LIN9: variants seen among roughly 807,000 people sequenced by gnomAD.
LIN9 encodes lin-9 DREAM MuvB core complex component.
LIN9 carries 18 observed loss-of-function variants against 78.0 expected under a neutral mutation model. That is an observed-to-expected ratio of 0.23 (90% CI 0.16 to 0.34). The LOEUF (loss-of-function observed/expected upper bound fraction) is 0.34. Ranked by LOEUF, LIN9 falls within the 10% of genes least tolerant of loss-of-function variation. LIN9 has a pLI of 1.00. For missense variants in LIN9, 451 were observed against 644.1 expected, an observed-to-expected ratio of 0.70 and a Z score of 3.25; for synonymous variants, 192 against 215.2, an observed-to-expected ratio of 0.89 and a Z score of 0.94.
At chr1:226,234,814 C>CCACA (rs1362126298) in intron 12 of LIN9, among the ~76,000 whole-genome samples, 6 of 152,092 alleles carry the variant, frequency 3.9e-5, no homozygotes, top group Non-Finnish European at 7.4e-5. Flanking sequence ...CCATCTAATG[C>CCACA]CACAGGGTTC....
chr1:226,300,927 T>C (rs1033517557), intron 2 of LIN9, among the ~76,000 whole-genome samples: 3 of 152,202 alleles, frequency 2.0e-5, no homozygotes, highest in Non-Finnish European at 4.4e-5. Flanking sequence ...TTAATCTAAA[T>C]ATTTATGGAA....
chr1:226,272,319 G>C (rs1660335137), intron 7 of LIN9, among the ~76,000 whole-genome samples: 2 of 151,096 alleles, frequency 1.3e-5, no homozygotes, highest in Admixed American at 6.6e-5. Flanking sequence ...GCCTGCCAAA[G>C]TGCTGGGATT....
chr1:226,253,520 C>A (rs987000521), intron 10 of LIN9, among the ~76,000 whole-genome samples: 1 of 150,478 alleles, frequency 6.6e-6, no homozygotes, highest in Non-Finnish European at 1.5e-5. Flanking sequence ...TCTTGAACTT[C>A]CTGACCTCAG....
chr1:226,305,315 G>GAAAAAAAAAAAAAAAAA (rs111859953), intron 1 of LIN9, among the ~76,000 whole-genome samples: 4 of 77,460 alleles, frequency 5.2e-5, no homozygotes, highest in Non-Finnish European at 1.0e-4. Flanking sequence ...ACAAAAAAAA[G>GAAAAAAAAAAAAAAAAA]AAAAAAAAAA....
intron 4 of LIN9, among the ~76,000 whole-genome samples, chr1:226,293,524 G>A (rs922096420): frequency 5.9e-5 from 9 of 152,326 alleles, no homozygotes; most frequent in Admixed American, 4.6e-4. Context: ...ACTTAGCCAA[G>A]AAATGCACAC....
intron 7 of LIN9, among the ~76,000 whole-genome samples, chr1:226,268,507 ACCT>A (rs1660067969): frequency 6.6e-6 from 1 of 152,072 alleles, no homozygotes; most frequent in African/African-American, 2.4e-5. Context: ...ACTTAGGAAA[ACCT>A]CCTTGCAAGG....
intron 7 of LIN9, among the ~76,000 whole-genome samples, chr1:226,268,444 T>C (rs978377713): frequency 1.3e-4 from 20 of 152,158 alleles, no homozygotes; most frequent in Admixed American, 1.2e-3. Flanking sequence ...AAGACAAAGA[T>C]GTTGTGTAGA....
chr1:226,295,788 C>G, intron 4 of LIN9, 54 bp downstream of exon 4: 1 of 1,049,512 alleles, frequency 9.5e-7, no homozygotes, highest in Non-Finnish European at 1.4e-6. Context: ...CTTTATTAGG[C>G]TGAGCATTTG....
intron 7 of LIN9, among the ~76,000 whole-genome samples, chr1:226,269,432 C>A (rs1027380175): frequency 6.6e-6 from 1 of 152,160 alleles, no homozygotes; most frequent in Non-Finnish European, 1.5e-5. Context: ...TTGTGAAAAA[C>A]AACCATTCCA....
chr1:226,288,668 C>A (rs1490797529), intron 4 of LIN9, among the ~76,000 whole-genome samples: 1 of 151,922 alleles, frequency 6.6e-6, no homozygotes, highest in Non-Finnish European at 1.5e-5. Flanking sequence ...TTTATAACAG[C>A]ACAAAAATGG....
chr1:226,233,494 T>C lies in LIN9; in HGVS notation c.1275A>G (p.Ala425=), dbSNP rs144086241. The C allele has an allele frequency of 5.8e-3, 9,415 of 1,613,920 alleles. 42 individuals are homozygous for C. The highest frequency in any genetic ancestry group is 9.7e-3 in the South Asian group (885 of 91,008). The change falls in exon 13 of 15, where the codon GCA becomes GCG. Residue 425 remains alanine, a synonymous_variant. Coordinates refer to ENST00000681046, the MANE Select transcript of LIN9 (RefSeq NM_001366245.2). ...ELAPDQGLQP[A]DQPTDMRRRC... is the part of the protein sequence containing the mutation. ...TGCGTCTCATATCTGTTGGCTGATC[T>C]GCAGGCTGGAGCCCCTGGTCTGGAG...
intron 11 of LIN9, among the ~76,000 whole-genome samples, 158 bp from the exon 12 acceptor site, chr1:226,239,254 G>A (rs1196812654): frequency 1.3e-5 from 2 of 152,178 alleles, no homozygotes; most frequent in African/African-American, 4.8e-5. Flanking sequence ...TAATGGCATT[G>A]TTATTTAGGA....
intron 6 of LIN9, among the ~76,000 whole-genome samples, chr1:226,286,079 A>G (rs907775549): frequency 1.3e-5 from 2 of 152,186 alleles, no homozygotes; most frequent in Non-Finnish European, 2.9e-5. Flanking sequence ...AAAAAAATCA[A>G]TGTACTAATG....
upstream of LIN9, chr1:226,309,314 A>T (rs937909405): frequency 2.0e-5 from 20 of 1,016,860 alleles, no homozygotes; most frequent in Non-Finnish European, 2.2e-5. Context: ...CTGCCCGGGG[A>T]GGAGGTGCCG....
At chr1:226,237,684 ATGTCTCTAATCCAAGCACTTT>A (rs1657811575) in intron 12 of LIN9, among the ~76,000 whole-genome samples, 1 of 149,650 alleles carries the variant, frequency 6.7e-6, no homozygotes. Flanking sequence ...ACAGTGGCTC[ATGTCTCTAATCCAAGCACTTT>A]GGGAGGCCGA....
intron 6 of LIN9, among the ~76,000 whole-genome samples, chr1:226,284,355 A>T (rs540258492): frequency 6.6e-6 from 1 of 152,120 alleles, no homozygotes; most frequent in Non-Finnish European, 1.5e-5. Context: ...ATCTCTCTTC[A>T]TTACTTTGCT....
At chr1:226,263,196 A>G (rs909759530) in intron 10 of LIN9, among the ~76,000 whole-genome samples, 1 of 152,226 alleles carries the variant, frequency 6.6e-6, no homozygotes, top group South Asian at 2.1e-4. Flanking sequence ...TATATGATAC[A>G]TAATGGTGGA....
intron 6 of LIN9, among the ~76,000 whole-genome samples, chr1:226,280,800 C>A (rs570082268): frequency 5.3e-5 from 8 of 152,018 alleles, no homozygotes; most frequent in Non-Finnish European, 8.8e-5. Flanking sequence ...ACAAAAAAAA[C>A]CAGACTTGCT....
At chr1:226,283,456 T>A (rs1661199913) in intron 6 of LIN9, among the ~76,000 whole-genome samples, 1 of 151,802 alleles carries the variant, frequency 6.6e-6, no homozygotes, top group Admixed American at 6.6e-5. Context: ...ATTTTTATTA[T>A]GCGTTACCTG....
Sources: allele counts gnomAD v4.1 joint callset (sites outside exome capture counted in the v4.1 genomes callset), GRCh38; gene constraint gnomAD v4.1.1; transcripts MANE v1.5; gene names NCBI Gene and HGNC (gene_info 2026-07-23, HGNC 2026-07-21).